GPN1: variants seen among roughly 807,000 people sequenced by gnomAD.
GPN1 encodes the protein ATP(GTP)-binding protein.
In GPN1, 44 loss-of-function variants were observed where a neutral mutation model predicts 55.9. The observed-to-expected ratio is 0.79, with a 90% confidence interval of 0.62 to 1.01. The LOEUF is 1.01. Ranked by LOEUF, GPN1 falls within the 50% of genes least tolerant of loss-of-function variation. The pLI is 0.00. For synonymous variants in GPN1, 179 were observed against 162.5 expected, an observed-to-expected ratio of 1.10 and a Z score of -0.77; for missense variants, 466 against 462.8, an observed-to-expected ratio of 1.01 and a Z score of -0.06.
upstream of GPN1, chr2:27,628,569 T>C (rs1673384435): frequency 2.6e-6 from 4 of 1,551,488 alleles, no homozygotes; most frequent in East Asian, 4.9e-5. Flanking sequence ...GTCTCGGTGC[T>C]GCCCAGCAAC....
chr2:27,646,740 AT>A (rs955537738), intron 12 of GPN1, among the ~76,000 whole-genome samples: 4 of 148,464 alleles, frequency 2.7e-5, no homozygotes, highest in African/African-American at 7.4e-5. Context: ...CAACACTAGC[AT>A]TTTTTTTTTC....
chr2:27,644,901 C>T (rs1359963909), intron 12 of GPN1, among the ~76,000 whole-genome samples: 2 of 151,988 alleles, frequency 1.3e-5, no homozygotes, highest in African/African-American at 4.8e-5. Context: ...CCTCAGACCT[C>T]ATCTCTAAAT....
At chr2:27,646,276 A>G (rs904151790) in intron 12 of GPN1, among the ~76,000 whole-genome samples, 3 of 152,186 alleles carry the variant, frequency 2.0e-5, no homozygotes, top group African/African-American at 7.2e-5. Flanking sequence ...TCCTGACCTC[A>G]GGTGATCTGC....
chr2:27,642,558 G>A lies in GPN1; in HGVS notation c.931+39G>A, dbSNP rs749166340. 8 of 1,177,286 alleles carry A rather than the reference G, an allele frequency of 6.8e-6. No individual in the cohort carries two copies. The African/African-American group carries it at 7.7e-5, about 11-fold the overall frequency. 72.9% of individuals were successfully genotyped at this position (1,177,286 alleles called of 1,614,324 possible). A position where few individuals can be genotyped will look rare whatever the true frequency, so the allele number is the denominator to read the frequency against. ...TCTTGGTGTTAGGAACTAAAAAAAG[G>A]TTACACTTCTTTCTTTTATTTATTT... On this transcript the variant is annotated intron_variant, in intron 12 of 13. Coordinates refer to ENST00000610189, the MANE Select transcript of GPN1 (RefSeq NM_007266.4).
upstream of GPN1, chr2:27,628,636 G>A (rs1350445182): frequency 1.5e-5 from 23 of 1,551,388 alleles, no homozygotes; most frequent in Non-Finnish European, 1.9e-5. Context: ...CTGTTTAACC[G>A]CCTCGGCTAC....
Position 27,638,257 on chromosome 2 carries a change from TA to T in GPN1, c.570+4del. 1 of 1,519,600 alleles carries T rather than the reference TA, an allele frequency of 6.6e-7. No homozygotes were observed. The highest frequency in any genetic ancestry group is 1.1e-5 in the South Asian group (1 of 89,132). The allele number at this position is 1,519,600 out of a possible 1,614,324, so 94.1% of individuals were successfully genotyped here. Reference sequence around the variant, plus strand: ...CCTTTCATTGTGGTCATGAATAAAGTAAGTGTATTCTTCCTGTTGTGATTCA... The same window carrying T: ...CCTTTCATTGTGGTCATGAATAAAGTAGTGTATTCTTCCTGTTGTGATTCA... On this transcript the variant is annotated splice_donor_region_variant and intron_variant, in intron 8 of 13. Transcript: ENST00000610189.
intron 5 of GPN1, 125 bp from the exon 6 acceptor site, chr2:27,634,721 T>C: frequency 1.5e-6 from 1 of 675,210 alleles, no homozygotes; most frequent in Non-Finnish European, 2.7e-6. Flanking sequence ...AGGAGGAAGT[T>C]AGATTTGGCA....
Position 27,632,655 on chromosome 2 carries a change from C to T in GPN1, c.335C>T (p.Ala112Val). Reference sequence around the variant, plus strand: ...TAGGTGATGAAATTTATTGAGAAGGCCCAGAACATGTCCAAGTAAGTGATG... The same window carrying T: ...TAGGTGATGAAATTTATTGAGAAGGTCCAGAACATGTCCAAGTAAGTGATG... ...FDQVMKFIEK[A>V]QNMSKYVLID... The change falls in exon 5 of 14, where the codon GCC becomes GTC. Residue 112 changes from alanine (A) to valine (V), a missense_variant. Physicochemically the swap from Ala to Val is moderately conservative, Grantham distance 64. Transcript: ENST00000610189. 6.3e-7 allele frequency: 1 copy of T among 1,599,532 alleles called. No individual in the cohort carries two copies. The highest frequency in any genetic ancestry group is 8.6e-7 in the Non-Finnish European group (1 of 1,166,892).
At chr2:27,642,344 A>G (rs1372526053) in intron 11 of GPN1, 85 bp from the exon 12 acceptor site, 1 of 801,886 alleles carries the variant, frequency 1.2e-6, no homozygotes. Context: ...TAGTATTTGT[A>G]TAATTCTTCA....
At chr2:27,648,399 G>T (rs1247086313) in intron 13 of GPN1, among the ~76,000 whole-genome samples, 2 of 152,000 alleles carry the variant, frequency 1.3e-5, no homozygotes, top group African/African-American at 4.8e-5. Context: ...CACACCTGTA[G>T]TTCAAGCTGT....
intron 7 of GPN1, among the ~76,000 whole-genome samples, chr2:27,635,674 C>T (rs915665811): frequency 6.6e-6 from 1 of 152,020 alleles, no homozygotes; most frequent in Admixed American, 6.6e-5. Context: ...TAAAATTAGC[C>T]AGCGTGGTGG....
Position 27,643,727 on chromosome 2 carries a change from C to T in GPN1, c.931+1208C>T, listed in dbSNP as rs1185270445. 6.6e-6 allele frequency among the ~76,000 whole-genome samples: 1 copy of T among 152,150 alleles called. No individual in the cohort carries two copies. Among genetic ancestry groups the T allele is most frequent in the African/African-American group, 2.4e-5 (1 of 41,428 alleles). On this transcript the variant is annotated intron_variant, in intron 12 of 13. Transcript: ENST00000610189. This position sits in a 1 kb window ranked among gnomAD's most constrained non-coding sequence, Gnocchi z 4.0. ...AGCATCCTTCAGTTTAGGTTTGTCTCATGTTTCCTCATGATTTGATTCAGG... is the reference window on the plus strand; with the variant it reads ...AGCATCCTTCAGTTTAGGTTTGTCTTATGTTTCCTCATGATTTGATTCAGG...
intron 5 of GPN1, among the ~76,000 whole-genome samples, chr2:27,633,468 G>T (rs557414782): frequency 6.6e-6 from 1 of 152,030 alleles, no homozygotes; most frequent in South Asian, 2.1e-4. Context: ...ACCACACCTG[G>T]CTAATTTTTG....
At chr2:27,636,114 G>T (rs1673722875) in intron 7 of GPN1, among the ~76,000 whole-genome samples, 1 of 152,130 alleles carries the variant, frequency 6.6e-6, no homozygotes, top group Non-Finnish European at 1.5e-5. Flanking sequence ...TACCTGGGAG[G>T]CAGAGGTGGA....
Position 27,635,678 on chromosome 2 carries a change from G to A in GPN1, c.524+444G>A, listed in dbSNP as rs907042478. The stretch of plus-strand genomic sequence containing the variant: ...AAAAAATGTTTTAAAATTAGCCAGC[G>A]TGGTGGCACGCCCTTGTAGTCCCAG... On this transcript the variant is annotated intron_variant, in intron 7 of 13. Coordinates refer to ENST00000610189, the MANE Select transcript of GPN1 (RefSeq NM_007266.4). Among the ~76,000 whole-genome samples the A allele has an allele frequency of 3.9e-5, 6 of 152,078 alleles. No homozygotes were observed. The East Asian group carries it at 5.8e-4, about 15-fold the overall frequency.
chr2:27,631,103 C>T, intron 3 of GPN1, 37 bp downstream of exon 3: 1 of 1,097,126 alleles, frequency 9.1e-7, no homozygotes, highest in African/African-American at 1.5e-5. Context: ...TGACTCATTC[C>T]TGGCTTCTTG....
chr2:27,648,853 T>C (rs1206626697), intron 13 of GPN1, among the ~76,000 whole-genome samples: 1 of 151,592 alleles, frequency 6.6e-6, no homozygotes, highest in Non-Finnish European at 1.5e-5. Context: ...GCCAGGCTGG[T>C]CTCGAACTCC....
chr2:27,646,098 A>G (rs376750028), intron 12 of GPN1, among the ~76,000 whole-genome samples: 59 of 149,102 alleles, frequency 4.0e-4, no homozygotes, highest in African/African-American at 1.4e-3. Context: ...CTGGAGTGCA[A>G]TGGCGCGATC....
chr2:27,642,232 G>A (rs1572959921), intron 11 of GPN1, 197 bp from the exon 12 acceptor site: 2 of 537,036 alleles, frequency 3.7e-6, no homozygotes. Flanking sequence ...AGTCTGCAGA[G>A]CCCTCCAGTC....
Sources: allele counts gnomAD v4.1 joint callset (sites outside exome capture counted in the v4.1 genomes callset), GRCh38; gene constraint gnomAD v4.1.1; non-coding constraint Gnocchi (gnomAD v3.1); transcripts MANE v1.5; gene names NCBI Gene and HGNC (gene_info 2026-07-23, HGNC 2026-07-21).